Variants in AOX1 observed in about 807,000 individuals in gnomAD.
AOX1 encodes aldehyde oxidase.
AOX1 carries 153 observed loss-of-function variants against 169.5 expected under a neutral mutation model. That is an observed-to-expected ratio of 0.90 (90% CI 0.79 to 1.03). AOX1 has a LOEUF of 1.03. Ranked by LOEUF, AOX1 falls within the 50% of genes least tolerant of loss-of-function variation. AOX1 has a pLI of 0.00. For missense variants in AOX1, 1,656 were observed against 1,663.9 expected (o/e 1.00, Z 0.08); for synonymous variants, 562 against 581.9 (o/e 0.97, Z 0.49).
At chr2:200,604,280 A>G (rs1455448216) in intron 8 of AOX1, among the ~76,000 whole-genome samples, 183 bp downstream of exon 8, 1 of 152,214 alleles carries the variant, frequency 6.6e-6, no homozygotes, top group Admixed American at 6.5e-5. Context: ...TGGGGTCCCC[A>G]TGGGGGACAG....
chr2:200,610,674 C>T (rs1351805169), intron 12 of AOX1, among the ~76,000 whole-genome samples: 1 of 151,890 alleles, frequency 6.6e-6, no homozygotes, highest in African/African-American at 2.4e-5. Flanking sequence ...TGGTTATAAA[C>T]AATAAATATT....
chr2:200,619,106 T>G lies in AOX1; in HGVS notation c.1705-1544T>G, dbSNP rs13432214. Among the ~76,000 whole-genome samples the G allele has an allele frequency of 9.7e-3, 1,484 of 152,206 alleles. 32 individuals are homozygous for G. Among genetic ancestry groups the G allele is most frequent in the African/African-American group, 0.033 (1,378 of 41,478 alleles). ...ATCAAATACAAAAGAATTTAGCTTT[T>G]CTCCCCGCTCAGATGCCTTAAAGGA... On this transcript the variant is annotated intron_variant, in intron 16 of 34. Coordinates refer to ENST00000374700, the MANE Select transcript of AOX1 (RefSeq NM_001159.4).
Position 200,668,761 on chromosome 2 carries a change from G to C in AOX1, c.3756G>C (p.Leu1252Phe). 6.2e-7 allele frequency: 1 copy of C among 1,614,104 alleles called. No homozygotes were observed. The highest frequency in any genetic ancestry group is 8.5e-7 in the Non-Finnish European group (1 of 1,180,030). The stretch of plus-strand genomic sequence containing the variant: ...TGCCCACGGAGTTGCACATTGCTTT[G>C]TTGCCTCCTTCTCAAAACTCAAATA... ...CDMPTELHIA[L>F]LPPSQNSNTL... Residue 1252 changes from leucine to phenylalanine, a missense_variant, in exon 33 of 35, where the codon TTG becomes TTC. By Grantham distance (22) the Leu-to-Phe change is conservative. Transcript: ENST00000374700.
intron 19 of AOX1, among the ~76,000 whole-genome samples, chr2:200,624,640 A>T (rs1014573844): frequency 6.6e-6 from 1 of 152,200 alleles, no homozygotes; most frequent in South Asian, 2.1e-4. Flanking sequence ...TTTTCAAGAG[A>T]TAAGTCGTAT....
chr2:200,657,869 G>T (rs2035725509), intron 27 of AOX1, among the ~76,000 whole-genome samples: 1 of 152,138 alleles, frequency 6.6e-6, no homozygotes, highest in African/African-American at 2.4e-5. Flanking sequence ...CATTATTTGG[G>T]AGTCTTTACA....
chr2:200,649,201 C>T (rs928079807), intron 25 of AOX1, among the ~76,000 whole-genome samples: 3 of 151,980 alleles, frequency 2.0e-5, no homozygotes, highest in Non-Finnish European at 4.4e-5. Context: ...CCGCCCCCTC[C>T]GCCCCCACCA....
Position 200,642,795 on chromosome 2 carries a change from T to C in AOX1, c.2841T>C (p.Pro947=). The C allele has an allele frequency of 6.2e-7, 1 of 1,612,350 alleles. No homozygotes were observed. The change falls in exon 25 of 35, where the codon CCT becomes CCC. Residue 947 remains proline (P), a synonymous_variant. Coordinates refer to ENST00000374700, the MANE Select transcript of AOX1 (RefSeq NM_001159.4). The part of the protein sequence containing the change: ...TEVAAKCGLS[P]EKVRIINMYK... ...TTGCAGCCAAATGTGGACTATCCCC[T>C]GAGAAGGTAATACTAAATCAGCTTC... is the stretch of plus-strand genomic sequence containing the variant.
Position 200,661,831 on chromosome 2 carries a change from T to C in AOX1, c.3428+200T>C, listed in dbSNP as rs2035834617. ...CTGCTAGTATCCAGAAAGACTTCTG[T>C]TAGGAAAAATAGGCACACAAAATTC... On this transcript the variant is annotated intron_variant, in intron 30 of 34. Coordinates refer to ENST00000374700, the MANE Select transcript of AOX1 (RefSeq NM_001159.4). Among the ~76,000 whole-genome samples the C allele has an allele frequency of 2.0e-5, 3 of 152,166 alleles. No individual in the cohort carries two copies. In the South Asian group the frequency reaches 6.2e-4, roughly 32 times the overall value.
chr2:200,622,115 A>G (rs1336333694), intron 18 of AOX1, among the ~76,000 whole-genome samples: 3 of 152,248 alleles, frequency 2.0e-5, no homozygotes, highest in African/African-American at 4.8e-5. Flanking sequence ...CAAGATATGT[A>G]TGATCTCTAC....
At chr2:200,676,155 A>T (rs1195108249), downstream of AOX1, among the ~76,000 whole-genome samples, 1 of 152,026 alleles carries the variant, frequency 6.6e-6, no homozygotes, top group African/African-American at 2.4e-5. Context: ...ATGTTTTTTT[A>T]AAATAAGCCT....
chr2:200,659,874 G>T (rs982659025), intron 28 of AOX1, 121 bp from the exon 29 acceptor site: 8 of 713,666 alleles, frequency 1.1e-5, no homozygotes, highest in Non-Finnish European at 1.6e-5. Flanking sequence ...TACAGGGTTG[G>T]TGTCTTATTT....
At chr2:200,652,128 G>A (rs1337086828) in intron 26 of AOX1, among the ~76,000 whole-genome samples, 1 of 152,062 alleles carries the variant, frequency 6.6e-6, no homozygotes, top group Non-Finnish European at 1.5e-5. Context: ...TGGATGTTGT[G>A]TGTTAAGGGA....
At chr2:200,651,583 G>T (rs1010904792) in intron 26 of AOX1, among the ~76,000 whole-genome samples, 1 of 152,158 alleles carries the variant, frequency 6.6e-6, no homozygotes. Context: ...CCGCAATTCG[G>T]TGTCGCTGGA....
chr2:200,603,907 T>G (rs2034463559), intron 7 of AOX1, 110 bp from the exon 8 acceptor site: 2 of 740,394 alleles, frequency 2.7e-6, no homozygotes, highest in Non-Finnish European at 4.6e-6. Context: ...CCAGTGGACT[T>G]TTTTGTCGGT....
At chr2:200,651,883 A>G (rs1574953427) in intron 26 of AOX1, among the ~76,000 whole-genome samples, 1 of 152,132 alleles carries the variant, frequency 6.6e-6, no homozygotes, top group Admixed American at 6.5e-5. Flanking sequence ...CGGCTGGTGA[A>G]GGACTGCAAC....
rs1328814131 is a variant in AOX1, at chr2:200,597,442, T to A, written c.246T>A (p.Tyr82Ter). 1 of 1,612,068 alleles carries A rather than the reference T, an allele frequency of 6.2e-7. No individual in the cohort carries two copies. The highest frequency in any genetic ancestry group is 1.3e-5 in the African/African-American group (1 of 75,036). Residue 82 changes from tyrosine (Y) to a stop codon, truncating the protein, a stop_gained, in exon 4 of 35, where the codon TAT (tyrosine) becomes TAA (stop). Transcript: ENST00000374700. LOFTEE classifies it high-confidence loss of function. ...GTCTGATTCCCATCTGTTCTCTGTA[T>A]GGTGCTGCCGTCACCACAGTAGAAG... The part of the protein sequence containing the change: ...NACLIPICSL[Y>*]GAAVTTVEGI...
chr2:200,598,324 C>T (rs748259799), intron 4 of AOX1, among the ~76,000 whole-genome samples: 46 of 152,186 alleles, frequency 3.0e-4, no homozygotes, highest in Non-Finnish European at 5.7e-4. Flanking sequence ...GTTTGGAAGA[C>T]AGATGATAGG....
chr2:200,645,369 A>G (rs2035430829), intron 25 of AOX1, among the ~76,000 whole-genome samples: 2 of 152,130 alleles, frequency 1.3e-5, no homozygotes, highest in African/African-American at 2.4e-5. Context: ...AGTGTATCAA[A>G]TTTATTGACT....
downstream of AOX1, chr2:200,681,587 T>C (rs1013177111): frequency 6.6e-6 from 1 of 152,458 alleles, no homozygotes; most frequent in African/African-American, 2.4e-5. Context: ...GCCAAAAGGC[T>C]CAAAAAAATT....
Sources: gnomAD v4.1 joint callset for allele counts (sites outside exome capture counted in the v4.1 genomes callset) on GRCh38, gnomAD v4.1.1 for gene constraint, MANE v1.5 for transcripts, NCBI Gene and HGNC (gene_info 2026-07-23, HGNC 2026-07-21) for gene names.